TMCO4: variants seen among roughly 807,000 people sequenced by gnomAD.
TMCO4 encodes transmembrane and coiled-coil domains 4, also known as transmembrane and coiled-coil domain-containing protein 4.
TMCO4 carries 58 observed loss-of-function variants against 64.7 expected under a neutral mutation model. The ratio of observed to expected loss-of-function variants is 0.90; its 90% CI spans 0.73 to 1.12. The LOEUF (loss-of-function observed/expected upper bound fraction) is 1.12. TMCO4 is among the 50% of genes most tolerant of loss of function. The probability of loss-of-function intolerance (pLI) is 0.00; values close to 1 mark genes in which losing one functional copy is unlikely to be tolerated. For missense variants in TMCO4, 780 were observed against 825.9 expected, an observed-to-expected ratio of 0.94 and a Z score of 0.68; for synonymous variants, 325 against 346.1, an observed-to-expected ratio of 0.94 and a Z score of 0.68.
intron 6 of TMCO4, among the ~76,000 whole-genome samples, chr1:19,760,784 C>G (rs914008791): frequency 5.3e-5 from 8 of 152,254 alleles, no homozygotes; most frequent in African/African-American, 1.7e-4. Context: ...CTGTGCATCC[C>G]TAGTACCTCG....
At chr1:19,789,701 A>T (rs746695335) in intron 2 of TMCO4, among the ~76,000 whole-genome samples, 2 of 152,196 alleles carry the variant, frequency 1.3e-5, no homozygotes, top group African/African-American at 4.8e-5. Context: ...GGCCCAGCCA[A>T]GCCAGTGGGG....
intron 3 of TMCO4, among the ~76,000 whole-genome samples, chr1:19,783,996 C>T (rs2043610697): frequency 6.6e-6 from 1 of 152,194 alleles, no homozygotes; most frequent in Non-Finnish European, 1.5e-5. Flanking sequence ...GTGCCAAGGG[C>T]AGCACTAGCC....
At chr1:19,795,298 C>G (rs947267787) in intron 2 of TMCO4, among the ~76,000 whole-genome samples, 1 of 151,912 alleles carries the variant, frequency 6.6e-6, no homozygotes, top group Non-Finnish European at 1.5e-5. Context: ...GGTGAAACCC[C>G]GTCTCTACTA....
chr1:19,798,797 C>T (rs2044460197), intron 1 of TMCO4, among the ~76,000 whole-genome samples: 1 of 152,242 alleles, frequency 6.6e-6, no homozygotes, highest in Non-Finnish European at 1.5e-5. Flanking sequence ...GAGGGCAGCG[C>T]TCCTTTTTGT....
At chr1:19,788,572 A>C (rs946138100) in intron 2 of TMCO4, among the ~76,000 whole-genome samples, 5 of 152,190 alleles carry the variant, frequency 3.3e-5, no homozygotes, top group African/African-American at 1.2e-4. Context: ...AAAATAATTT[A>C]AAATTACAAC....
chr1:19,692,356 A>G (rs1018066100), intron 15 of TMCO4, among the ~76,000 whole-genome samples: 5 of 152,076 alleles, frequency 3.3e-5, no homozygotes, highest in African/African-American at 1.2e-4. Context: ...CTGCTTTGCC[A>G]TGTTTCAGCG....
In TMCO4 at chr1:19,682,554, G is replaced by C; in HGVS notation, c.*486C>G. The C allele has an allele frequency of 1.4e-6, 1 of 713,534 alleles. No individual in the cohort carries two copies. Among genetic ancestry groups the C allele is most frequent in the South Asian group, 1.5e-5 (1 of 67,394 alleles). 44.2% of individuals were successfully genotyped at this position (713,534 alleles called of 1,614,324 possible). ...TCTTTGTACCTGCGCCTGCTCTGTT[G>C]CTGCCAGTTGATGGTGCCTGTCAGC... On this transcript the variant is annotated 3_prime_UTR_variant, in exon 16 of 16. Transcript: ENST00000294543.
intron 14 of TMCO4, among the ~76,000 whole-genome samples, chr1:19,697,094 G>T (rs868216434): frequency 5.3e-5 from 8 of 152,334 alleles, no homozygotes; most frequent in African/African-American, 1.7e-4. Context: ...TCAGGGAGCC[G>T]CGGGCATGAC....
intron 6 of TMCO4, among the ~76,000 whole-genome samples, chr1:19,765,611 TATC>T (rs1472872345): frequency 1.3e-5 from 2 of 152,082 alleles, no homozygotes; most frequent in African/African-American, 4.8e-5. Flanking sequence ...GGTTGAGAGT[TATC>T]AGCTCAGATT....
At chr1:19,797,875 G>A (rs1481796771) in intron 2 of TMCO4, among the ~76,000 whole-genome samples, 2 of 111,608 alleles carry the variant, frequency 1.8e-5, no homozygotes, top group African/African-American at 3.7e-5. Context: ...AAAAAAAAAA[G>A]AGAGAAGAAA....
intron 6 of TMCO4, among the ~76,000 whole-genome samples, chr1:19,765,267 T>A (rs1308328388): frequency 6.6e-6 from 1 of 152,158 alleles, no homozygotes; most frequent in Non-Finnish European, 1.5e-5. Context: ...TAAGAGCAGG[T>A]TAACAGTACC....
intron 2 of TMCO4, among the ~76,000 whole-genome samples, chr1:19,797,851 G>A (rs2044387588): frequency 1.6e-5 from 2 of 127,180 alleles, no homozygotes; most frequent in Admixed American, 8.3e-5. Flanking sequence ...GTGACAGAGT[G>A]AGACTCTGTC....
rs183704992 is a variant in TMCO4, at chr1:19,717,584, C to T, written c.1265-16699G>A. ...TTTCTCACAACTTCCTGGCAGAAAC[C>T]TTGGCTGCAGTCACTGGCCCTTCCC... On this transcript the variant is annotated intron_variant, in intron 13 of 15. Coordinates refer to ENST00000294543, the MANE Select transcript of TMCO4 (RefSeq NM_181719.7). 1.4e-3 allele frequency among the ~76,000 whole-genome samples: 210 copies of T among 152,340 alleles called. 1 individual carries two copies. The highest frequency in any genetic ancestry group is 4.8e-3 in the African/African-American group (198 of 41,580).
chr1:19,749,144 T>C (rs1033304252), intron 7 of TMCO4, among the ~76,000 whole-genome samples: 1 of 152,222 alleles, frequency 6.6e-6, no homozygotes, highest in Non-Finnish European at 1.5e-5. Context: ...AGGAGGGCCA[T>C]CAAGATCGAG....
At chr1:19,723,071 TGGA>T (rs1218237452) in intron 13 of TMCO4, among the ~76,000 whole-genome samples, 1 of 152,224 alleles carries the variant, frequency 6.6e-6, no homozygotes, top group Non-Finnish European at 1.5e-5. Flanking sequence ...GGCAAGTCGC[TGGA>T]GGAGGTTAGG....
At chr1:19,721,174 T>A (rs1429172770) in intron 13 of TMCO4, among the ~76,000 whole-genome samples, 1 of 152,040 alleles carries the variant, frequency 6.6e-6, no homozygotes, top group South Asian at 2.1e-4. Flanking sequence ...GGGGGAGGCC[T>A]GGGAGGGAAG....
chr1:19,700,021 T>C (rs1002477375), intron 14 of TMCO4, among the ~76,000 whole-genome samples: 1 of 152,168 alleles, frequency 6.6e-6, no homozygotes, highest in East Asian at 1.9e-4. Context: ...ACACTGTTGC[T>C]CTGAAAACAC....
chr1:19,750,048 CAG>C (rs1048211019), intron 7 of TMCO4: 2 of 152,194 alleles, frequency 1.3e-5, no homozygotes, highest in Admixed American at 6.5e-5. Context: ...CTAAATGAGA[CAG>C]AGACACTGAG....
chr1:19,709,599 G>A lies in TMCO4; in HGVS notation c.1265-8714C>T, dbSNP rs74056977. On this transcript the variant is annotated intron_variant, in intron 13 of 15. Transcript: ENST00000294543. ...AGGATGTTTAAATGTATCTTTGTGA[G>A]CACATTGACAAACTCTTTGGCTTTG... Among the ~76,000 whole-genome samples the A allele has an allele frequency of 7.7e-3, 1,169 of 152,220 alleles. 18 individuals carry two copies. Among genetic ancestry groups the A allele is most frequent in the African/African-American group, 0.026 (1,092 of 41,508 alleles).
Sources: gnomAD v4.1 joint callset for allele counts (sites outside exome capture counted in the v4.1 genomes callset) on GRCh38, gnomAD v4.1.1 for gene constraint, MANE v1.5 for transcripts, NCBI Gene and HGNC (gene_info 2026-07-23, HGNC 2026-07-21) for gene names.